GBP7: variants seen among roughly 807,000 people sequenced by gnomAD.
GBP7 encodes the protein guanylate binding protein 7.
A neutral mutation model predicts 61.3 loss-of-function variants in GBP7; 43 were observed. That is an observed-to-expected ratio of 0.70 (90% confidence interval 0.55 to 0.91). GBP7 has a LOEUF of 0.91. GBP7 is among the 40% of genes least tolerant of loss of function. GBP7 has a pLI of 0.00. For missense variants in GBP7, 717 were observed against 740.5 expected, an observed-to-expected ratio of 0.97 and a Z score of 0.37; for synonymous variants, 267 against 271.0, an observed-to-expected ratio of 0.99 and a Z score of 0.14.
At chr1:89,150,674 T>G in intron 5 of GBP7, 99 bp from the exon 6 acceptor site, 12 of 1,216,936 alleles carry the variant, frequency 9.9e-6, no homozygotes, top group East Asian at 2.3e-5. Flanking sequence ...CTACAGTCTC[T>G]TGTGTCTGTG....
chr1:89,154,519 GT>G (rs1469522614), intron 3 of GBP7, among the ~76,000 whole-genome samples: 1 of 151,934 alleles, frequency 6.6e-6, no homozygotes, highest in African/African-American at 2.4e-5. Context: ...GCTAATTTTT[GT>G]ATTTTTAATA....
chr1:89,158,285 C>A (rs1454450570), intron 3 of GBP7, among the ~76,000 whole-genome samples: 1 of 152,186 alleles, frequency 6.6e-6, no homozygotes. Context: ...GAAGCATTCC[C>A]TTTGAAAAGT....
rs779265675 is a variant in GBP7, at chr1:89,152,779, T to C, written c.319-2A>G. On this transcript the variant is annotated splice_acceptor_variant, in intron 3 of 10. Coordinates refer to ENST00000294671, the MANE Select transcript of GBP7 (RefSeq NM_207398.3). LOFTEE classifies it high-confidence loss of function. ...CCACGAGTCACTCTTAGGGTCACTCTAGTGTTAAAGAAAAAAAAAAAAAAA... is the reference window on the plus strand; with the variant it reads ...CCACGAGTCACTCTTAGGGTCACTCCAGTGTTAAAGAAAAAAAAAAAAAAA... The C allele has an allele frequency of 3.9e-6, 6 of 1,531,258 alleles. No homozygotes were observed. In the African/African-American group the frequency reaches 5.2e-5, roughly 13 times the overall value. The allele number at this position is 1,531,258 out of a possible 1,614,324, so 94.9% of individuals were successfully genotyped here. A position where few individuals can be genotyped will look rare whatever the true frequency, so the allele number is the denominator to read the frequency against.
Position 89,149,447 on chromosome 1 carries a change from G to C in GBP7, c.997C>G (p.His333Asp), listed in dbSNP as rs769335151. Reference sequence around the variant, plus strand: ...TGCTGGGCCATCTGCTGGCTGTAGTGGTTGGCTGCCCTCTGCACGGCTGCT... The same window carrying C: ...TGCTGGGCCATCTGCTGGCTGTAGTCGTTGGCTGCCCTCTGCACGGCTGCT... ...NSAAVQRAAN[H>D]YSQQMAQQVR... is the part of the protein sequence containing the mutation. Residue 333 changes from histidine to aspartate, a missense_variant, in exon 7 of 11, where the codon CAC (histidine) becomes GAC (aspartate). His to Asp is a moderately conservative substitution (Grantham distance 81, BLOSUM62 -1). Coordinates refer to ENST00000294671, the MANE Select transcript of GBP7 (RefSeq NM_207398.3). The C allele has an allele frequency of 6.2e-7, 1 of 1,614,174 alleles. No individual in the cohort carries two copies. The highest frequency in any genetic ancestry group is 1.1e-5 in the South Asian group (1 of 91,080).
At chr1:89,153,676 G>C (rs1682253361) in intron 3 of GBP7, among the ~76,000 whole-genome samples, 1 of 152,122 alleles carries the variant, frequency 6.6e-6, no homozygotes, top group South Asian at 2.1e-4. Context: ...ACATAAAAAT[G>C]CAACCAAGAT....
At chr1:89,137,266 A>T (rs987171632) in intron 9 of GBP7, among the ~76,000 whole-genome samples, 1 of 152,090 alleles carries the variant, frequency 6.6e-6, no homozygotes, top group Non-Finnish European at 1.5e-5. Flanking sequence ...CTATTCCAAA[A>T]AAAATGGGGA....
chr1:89,155,946 G>A (rs1019386838), intron 3 of GBP7, among the ~76,000 whole-genome samples: 2 of 152,240 alleles, frequency 1.3e-5, no homozygotes, highest in Admixed American at 6.5e-5. Flanking sequence ...AATGTTAAGG[G>A]CAGCCAGAGA....
intron 2 of GBP7, among the ~76,000 whole-genome samples, chr1:89,169,351 C>T (rs1286424634): frequency 1.3e-5 from 2 of 152,092 alleles, no homozygotes; most frequent in South Asian, 2.1e-4. Flanking sequence ...CTTAAAAGAG[C>T]CTCATGACTG....
rs891522595 is a variant in GBP7 at position 89,149,327 on chromosome 1, T to G, written c.1117A>C (p.Lys373Gln). ...AIAVFMEYSF[K>Q]DKSQEFQKKL... is the part of the protein sequence containing the mutation. The stretch of plus-strand genomic sequence containing the variant: ...TTCTGAAATTCCTGGCTTTTATCTT[T>G]GAAGGAGTACTCCATGAAGACTGCA... The change falls in exon 7 of 11, where the codon AAA becomes CAA. Residue 373 changes from lysine (K) to glutamine (Q), a missense_variant. Lys to Gln is a moderately conservative substitution (Grantham distance 53, BLOSUM62 1). Coordinates refer to ENST00000294671, the MANE Select transcript of GBP7 (RefSeq NM_207398.3). 2 of 1,611,922 alleles carry G rather than the reference T, an allele frequency of 1.2e-6. No individual in the cohort carries two copies. Among genetic ancestry groups the G allele is most frequent in the African/African-American group, 2.7e-5 (2 of 74,928 alleles).
At chr1:89,133,009 A>G (rs2100632504) in intron 10 of GBP7, among the ~76,000 whole-genome samples, 2 of 152,294 alleles carry the variant, frequency 1.3e-5, no homozygotes, top group Middle Eastern at 6.8e-3. Flanking sequence ...CCATCCTATA[A>G]TCACCACAAA....
chr1:89,147,020 T>G (rs1316081367), intron 8 of GBP7, among the ~76,000 whole-genome samples: 1 of 152,206 alleles, frequency 6.6e-6, no homozygotes, highest in Non-Finnish European at 1.5e-5. Flanking sequence ...CATTTCTCAA[T>G]TGCCTATGTG....
rs760856309 is a variant in GBP7, at chr1:89,152,339, AG to A, written c.553del (p.Leu185TrpfsTer3). The A allele has an allele frequency of 3.2e-5, 52 of 1,614,054 alleles. No homozygotes were observed. The highest frequency in any genetic ancestry group is 1.3e-5 in the African/African-American group (1 of 74,924). ...DFIWTVRDFT[L>X]ELKLDGHPIT... Reference sequence around the variant, plus strand: ...GGGGTGTCCATCTAACTTCAGCTCCAGGGTAAAATCTCGAACAGTCCAAATA... The same window carrying A: ...GGGGTGTCCATCTAACTTCAGCTCCAGGTAAAATCTCGAACAGTCCAAATA... On this transcript the variant is annotated frameshift_variant, in exon 5 of 11. Transcript: ENST00000294671. LOFTEE classifies it high-confidence loss of function.
At chr1:89,172,509 A>G (rs940940992) in intron 1 of GBP7, among the ~76,000 whole-genome samples, 53 of 152,232 alleles carry the variant, frequency 3.5e-4, no homozygotes, top group African/African-American at 1.2e-3. Context: ...ATGTTTCCTC[A>G]TTGATTGAAG....
rs370848596 is a variant in GBP7, at chr1:89,140,070, G to A, written c.1468+1476C>T. ...ATGTCCAACAACGATAGACTGGATT[G>A]AGAAGATGTGGCACATATACACCAT... is the stretch of plus-strand genomic sequence containing the variant. On this transcript the variant is annotated intron_variant, in intron 9 of 10. Coordinates refer to ENST00000294671, the MANE Select transcript of GBP7 (RefSeq NM_207398.3). Among the ~76,000 whole-genome samples the A allele has an allele frequency of 3.7e-4, 57 of 152,102 alleles. 6 individuals carry two copies. Among genetic ancestry groups the A allele is most frequent in the Admixed American group, 9.2e-4 (14 of 15,282 alleles).
chr1:89,160,140 T>C (rs1382923412), intron 3 of GBP7, among the ~76,000 whole-genome samples: 3 of 152,136 alleles, frequency 2.0e-5, no homozygotes, highest in Non-Finnish European at 4.4e-5. Context: ...ATGTTCTCAC[T>C]CATAGGTGGG....
At chr1:89,163,086 C>T (rs1401827011) in intron 3 of GBP7, among the ~76,000 whole-genome samples, 1 of 152,062 alleles carries the variant, frequency 6.6e-6, no homozygotes, top group African/African-American at 2.4e-5. Context: ...ATATCTTGAT[C>T]CATTCTTGCA....
intron 8 of GBP7, among the ~76,000 whole-genome samples, chr1:89,142,645 T>G (rs962093052): frequency 3.3e-5 from 5 of 152,150 alleles, no homozygotes; most frequent in Admixed American, 3.3e-4. Flanking sequence ...TGCATAGACT[T>G]AACAGTCACA....
At chr1:89,151,741 G>T (rs529238992) in intron 5 of GBP7, among the ~76,000 whole-genome samples, 1 of 151,488 alleles carries the variant, frequency 6.6e-6, no homozygotes, top group South Asian at 2.1e-4. Context: ...ATATGTCTGT[G>T]TATTTTTTTT....
chr1:89,154,545 C>A (rs112071653), intron 3 of GBP7, among the ~76,000 whole-genome samples: 1,668 of 151,998 alleles, frequency 0.011, 32 homozygotes, highest in African/African-American at 0.039. Context: ...TGGGATTTCA[C>A]CATGTTAGCC....
Sources: allele counts gnomAD v4.1 joint callset (sites outside exome capture counted in the v4.1 genomes callset), GRCh38; gene constraint gnomAD v4.1.1; transcripts MANE v1.5; gene names NCBI Gene and HGNC (gene_info 2026-07-23, HGNC 2026-07-21).